Variants in MINDY4 observed in about 807,000 individuals in gnomAD.
The protein encoded by MINDY4 is probable ubiquitin carboxyl-terminal hydrolase MINDY-4.
In MINDY4, 68 loss-of-function variants were observed where a neutral mutation model predicts 87.0. The ratio of observed to expected loss-of-function variants is 0.78; its 90% CI spans 0.64 to 0.96. The LOEUF is 0.96. Among genes scored for constraint, MINDY4 ranks in the 40% least tolerant of loss-of-function variants. The pLI is 0.00. For missense variants in MINDY4, 919 were observed against 928.2 expected (o/e 0.99, Z 0.13); for synonymous variants, 379 against 363.2 (o/e 1.04, Z -0.50).
At chr7:30,856,670 G>A (rs930884390) in intron 12 of MINDY4, among the ~76,000 whole-genome samples, 7 of 152,110 alleles carry the variant, frequency 4.6e-5, no homozygotes, top group African/African-American at 1.7e-4. Context: ...GTAGGCAAGA[G>A]TTCTAGAAGG....
In MINDY4 at chr7:30,891,969, A is replaced by G. The variant is rs1474012326; in HGVS notation, c.2238A>G (p.Ala746=). ...ELCIRTKWKG[A]SVNWNGSDPI... is the part of the protein sequence containing the mutation. ...ACTCTACGCTTAGGTGGAAGGGGGC[A>G]TCAGTGAACTGGAACGGCTCAGACC... The change falls in exon 18 of 18, where the codon GCA becomes GCG. Residue 746 remains alanine, a synonymous_variant. Coordinates refer to ENST00000265299, the MANE Select transcript of MINDY4 (RefSeq NM_032222.3). 6.2e-7 allele frequency: 1 copy of G among 1,614,140 alleles called. No individual in the cohort carries two copies. The highest frequency in any genetic ancestry group is 8.5e-7 in the Non-Finnish European group (1 of 1,180,012).
At chr7:30,864,884 T>C (rs978224017) in intron 13 of MINDY4, among the ~76,000 whole-genome samples, 1 of 152,166 alleles carries the variant, frequency 6.6e-6, no homozygotes, top group Non-Finnish European at 1.5e-5. Context: ...TTCCAGCAAT[T>C]GTGGGCAGTG....
At chr7:30,779,181 A>G (rs1786923245) in intron 2 of MINDY4, among the ~76,000 whole-genome samples, 1 of 152,204 alleles carries the variant, frequency 6.6e-6, no homozygotes, top group African/African-American at 2.4e-5. Context: ...CACATTGGCA[A>G]TAGAATATTT....
chr7:30,882,626 G>T (rs2128581885), intron 16 of MINDY4, among the ~76,000 whole-genome samples: 1 of 152,344 alleles, frequency 6.6e-6, no homozygotes, highest in East Asian at 1.9e-4. Context: ...ATACTATGCT[G>T]ACAAGTTTGG....
rs754417879 is a variant in MINDY4, at chr7:30,836,736, C to T, written c.1211C>T (p.Ser404Leu). Reference protein sequence around the residue: ...VPSVLKLQTASKPIDLSVAKE... With the variant: ...VPSVLKLQTALKPIDLSVAKE... ...TCAGTGCTCAAGTTGCAGACAGCAT[C>T]AAAACCAATTGACCTCTCAGTAGCA... Residue 404 changes from serine (S) to leucine (L), a missense_variant, in exon 7 of 18, where the codon TCA becomes TTA. Transcript: ENST00000265299. 5.0e-6 allele frequency: 8 copies of T among 1,614,130 alleles called. No individual in the cohort carries two copies. Among genetic ancestry groups the T allele is most frequent in the Non-Finnish European group, 6.8e-6 (8 of 1,179,996 alleles).
At chr7:30,819,295 C>T (rs930906646) in intron 5 of MINDY4, among the ~76,000 whole-genome samples, 11 of 152,132 alleles carry the variant, frequency 7.2e-5, no homozygotes, top group Non-Finnish European at 7.4e-5. Flanking sequence ...TTAAAATTTT[C>T]TAATGCATGG....
At chr7:30,865,877 G>A (rs1282766122) in intron 13 of MINDY4, among the ~76,000 whole-genome samples, 1 of 152,204 alleles carries the variant, frequency 6.6e-6, no homozygotes, top group African/African-American at 2.4e-5. Context: ...CTGTGGGAGG[G>A]GTAACAGGAG....
intron 5 of MINDY4, among the ~76,000 whole-genome samples, chr7:30,827,224 C>G (rs546067425): frequency 6.6e-6 from 1 of 152,256 alleles, no homozygotes; most frequent in African/African-American, 2.4e-5. Flanking sequence ...ATTTTAGAGG[C>G]TTAGTACCAA....
At chr7:30,774,756 C>CATGAG (rs1324540821) in intron 1 of MINDY4, among the ~76,000 whole-genome samples, 7 of 152,006 alleles carry the variant, frequency 4.6e-5, no homozygotes, top group African/African-American at 1.7e-4. Context: ...TAGCTTTCCT[C>CATGAG]CTACTCCTCT....
intron 13 of MINDY4, 137 bp downstream of exon 13, chr7:30,859,461 G>A: frequency 1.2e-6 from 1 of 807,570 alleles, no homozygotes; most frequent in East Asian, 2.5e-5. Flanking sequence ...ATGAAGCAGT[G>A]GAGTAGGGGA....
chr7:30,775,973 C>T (rs1441914096), intron 1 of MINDY4, among the ~76,000 whole-genome samples: 2 of 152,208 alleles, frequency 1.3e-5, no homozygotes, highest in Non-Finnish European at 2.9e-5. Context: ...TCCAGTCCAT[C>T]AGCAAATCTG....
intron 9 of MINDY4, among the ~76,000 whole-genome samples, chr7:30,847,702 A>C (rs1447022352): frequency 6.7e-6 from 1 of 149,524 alleles, no homozygotes; most frequent in African/African-American, 2.4e-5. Context: ...TAAATACTCT[A>C]TATATGTGTG....
At chr7:30,777,841 A>G (rs1375733931) in intron 1 of MINDY4, among the ~76,000 whole-genome samples, 1 of 152,250 alleles carries the variant, frequency 6.6e-6, no homozygotes, top group East Asian at 1.9e-4. Flanking sequence ...TCACTTCGCC[A>G]ACCCCAGATT....
chr7:30,824,679 T>A (rs890605763), intron 5 of MINDY4, among the ~76,000 whole-genome samples: 1 of 152,192 alleles, frequency 6.6e-6, no homozygotes, highest in South Asian at 2.1e-4. Flanking sequence ...GCTTCAGCGA[T>A]CCTCCCATTT....
intron 14 of MINDY4, 108 bp from the exon 15 acceptor site, chr7:30,875,387 C>A (rs1790226880): frequency 7.9e-7 from 1 of 1,259,190 alleles, no homozygotes; most frequent in Admixed American, 1.7e-5. Context: ...TCTCTCCCTC[C>A]TTGCTTTCCT....
In MINDY4 at chr7:30,793,138, A is replaced by G. The variant is rs550584004; in HGVS notation, c.1073+1564A>G. 3.1e-5 allele frequency among the ~76,000 whole-genome samples: 3 copies of G among 97,012 alleles called. No homozygotes were observed. The East Asian group carries it at 7.4e-4, about 24-fold the overall frequency. 63.6% of individuals were successfully genotyped at this position (97,012 alleles called of 152,430 possible). Reference sequence around the variant, plus strand: ...TTTTTTTGTTTATATTTATATATATATTATATATATTGTTTATTTAATTGT... The same window carrying G: ...TTTTTTTGTTTATATTTATATATATGTTATATATATTGTTTATTTAATTGT... On this transcript the variant is annotated intron_variant, in intron 5 of 17. Transcript: ENST00000265299.
intron 6 of MINDY4, among the ~76,000 whole-genome samples, chr7:30,831,838 G>T (rs766217511): frequency 6.6e-6 from 1 of 152,140 alleles, no homozygotes; most frequent in Non-Finnish European, 1.5e-5. Context: ...ATACGTACAT[G>T]TATCCTACAA....
intron 13 of MINDY4, among the ~76,000 whole-genome samples, chr7:30,863,709 C>G (rs1789841484): frequency 6.6e-6 from 1 of 152,176 alleles, no homozygotes; most frequent in Non-Finnish European, 1.5e-5. Context: ...ACTTCATTGT[C>G]AGAGGCCCCA....
rs563692148 is a variant in MINDY4 at position 30,817,507 on chromosome 7, G to A, written c.1074-11172G>A. Among the ~76,000 whole-genome samples the A allele has an allele frequency of 3.9e-4, 59 of 152,062 alleles. No individual in the cohort carries two copies. In the South Asian group the frequency reaches 4.8e-3, roughly 12 times the overall value. ...AGTCATTCATGAGAGCTGTTGAAGT[G>A]ATGGGGGTTATACAGAGTCACTGAT... On this transcript the variant is annotated intron_variant, in intron 5 of 17. Transcript: ENST00000265299.
Sources: allele counts gnomAD v4.1 joint callset (sites outside exome capture counted in the v4.1 genomes callset), GRCh38; gene constraint gnomAD v4.1.1; transcripts MANE v1.5; gene names NCBI Gene and HGNC (gene_info 2026-07-23, HGNC 2026-07-21).